SAP30: variants seen among roughly 807,000 people sequenced by gnomAD.
SAP30 encodes the protein histone deacetylase complex subunit SAP30.
A neutral mutation model predicts 19.6 loss-of-function variants in SAP30; 13 were observed. The ratio of observed to expected loss-of-function variants is 0.66; its 90% CI spans 0.43 to 1.05. The LOEUF (loss-of-function observed/expected upper bound fraction) is 1.05, where lower values mean the gene tolerates loss of function less well. SAP30 is among the 50% of genes least tolerant of loss of function. The pLI, the probability that SAP30 is intolerant of heterozygous loss-of-function variation, is 0.00. For synonymous variants in SAP30, 108 were observed against 122.7 expected (o/e 0.88, Z 0.79); for missense variants, 257 against 292.1 (o/e 0.88, Z 0.88).
Position 173,371,648 on chromosome 4 carries a change from A to G in SAP30, c.315+151A>G. 1 of 1,339,494 alleles carries G rather than the reference A, an allele frequency of 7.5e-7. No individual in the cohort carries two copies. The highest frequency in any genetic ancestry group is 1.3e-5 in the South Asian group (1 of 74,902). 83.0% of individuals were successfully genotyped at this position (1,339,494 alleles called of 1,614,324 possible). ...GTCTGTGTTTGGAAGCAAATAACAA[A>G]GTCGCTGCAACTCCTACCGCCACCC... On this transcript the variant is annotated intron_variant, in intron 1 of 3. Coordinates refer to ENST00000296504, the MANE Select transcript of SAP30 (RefSeq NM_003864.4). The surrounding 1 kb of genome is among the most constrained non-coding windows in gnomAD (Gnocchi z 6.4).
At chr4:173,376,241 G>C (rs571103214) in intron 3 of SAP30, among the ~76,000 whole-genome samples, 3 of 152,284 alleles carry the variant, frequency 2.0e-5, no homozygotes, top group African/African-American at 7.2e-5. Context: ...AGTAATTGTA[G>C]TATGCATGTT....
chr4:173,372,502 T>C (rs1738959277), intron 1 of SAP30, among the ~76,000 whole-genome samples: 1 of 152,240 alleles, frequency 6.6e-6, no homozygotes, highest in Non-Finnish European at 1.5e-5. Flanking sequence ...AAATGTGTTA[T>C]AGATAAATAC....
intron 2 of SAP30, 105 bp from the exon 3 acceptor site, chr4:173,373,834 A>G: frequency 2.7e-6 from 1 of 376,300 alleles, no homozygotes; most frequent in Non-Finnish European, 4.2e-6. Context: ...TGATTTTGGA[A>G]GTAAATTTTA....
At chr4:173,376,675 G>A (rs770104451) in intron 3 of SAP30, among the ~76,000 whole-genome samples, 31 of 152,042 alleles carry the variant, frequency 2.0e-4, no homozygotes, top group Non-Finnish European at 3.5e-4. Flanking sequence ...CTGAAGTCCA[G>A]TGGCATGATC....
At chr4:173,375,038 A>G (rs921588022) in intron 3 of SAP30, among the ~76,000 whole-genome samples, 3 of 148,956 alleles carry the variant, frequency 2.0e-5, no homozygotes, top group African/African-American at 7.3e-5. Flanking sequence ...ATATATATAT[A>G]TTTTAATCAT....
Position 173,371,815 on chromosome 4 carries a change from C to T in SAP30, c.315+318C>T, listed in dbSNP as rs1738942343. ...CGGGACACGAAACAAAGGGGACCGG[C>T]GCACTGAGGGCCCAGAGTAGTTTTC... On this transcript the variant is annotated intron_variant, in intron 1 of 3. Coordinates refer to ENST00000296504, the MANE Select transcript of SAP30 (RefSeq NM_003864.4). This position sits in a 1 kb window ranked among gnomAD's most constrained non-coding sequence, Gnocchi z 6.4. 6.6e-6 allele frequency among the ~76,000 whole-genome samples: 1 copy of T among 152,166 alleles called. No homozygotes were observed. The highest frequency in any genetic ancestry group is 1.5e-5 in the Non-Finnish European group (1 of 68,034).
In SAP30 at chr4:173,371,723, T is replaced by C. The variant is rs553035253; in HGVS notation, c.315+226T>C. Among the ~76,000 whole-genome samples the C allele has an allele frequency of 2.3e-3, 344 of 152,074 alleles. 2 individuals are homozygous for C. The highest frequency in any genetic ancestry group is 6.8e-3 in the Middle Eastern group (2 of 294). ...GTCGTTCCCCTCTTCTTTCCCACCC[T>C]GGCCCCCAACCTCCCGCTGCCTGCG... On this transcript the variant is annotated intron_variant, in intron 1 of 3. Coordinates refer to ENST00000296504, the MANE Select transcript of SAP30 (RefSeq NM_003864.4). This position sits in a 1 kb window ranked among gnomAD's most constrained non-coding sequence, Gnocchi z 6.4.
At chr4:173,375,574 G>T (rs905200508) in intron 3 of SAP30, among the ~76,000 whole-genome samples, 1 of 152,128 alleles carries the variant, frequency 6.6e-6, no homozygotes, top group Non-Finnish European at 1.5e-5. Context: ...TTATATTTAG[G>T]TATAAATTAA....
chr4:173,373,588 A>G, intron 2 of SAP30, 73 bp downstream of exon 2: 1 of 1,375,698 alleles, frequency 7.3e-7, no homozygotes, highest in Non-Finnish European at 9.7e-7. Context: ...AAAGATATGA[A>G]CAATCTTTTA....
In SAP30 at chr4:173,371,763, T is replaced by C. The variant is rs1738940929; in HGVS notation, c.315+266T>C. 6.6e-6 allele frequency among the ~76,000 whole-genome samples: 1 copy of C among 152,120 alleles called. No homozygotes were observed. The highest frequency in any genetic ancestry group is 6.5e-5 in the Admixed American group (1 of 15,288). ...CGCTGCCTGCGTCTCTCCCGCGCAG[T>C]CTTCCCTCTTCCTTCTCCTCTGCGA... On this transcript the variant is annotated intron_variant, in intron 1 of 3. Coordinates refer to ENST00000296504, the MANE Select transcript of SAP30 (RefSeq NM_003864.4). The surrounding 1 kb of genome is among the most constrained non-coding windows in gnomAD (Gnocchi z 6.4).
At chr4:173,374,855 C>T (rs1005397110) in intron 3 of SAP30, among the ~76,000 whole-genome samples, 2 of 151,804 alleles carry the variant, frequency 1.3e-5, no homozygotes, top group African/African-American at 4.8e-5. Context: ...GTTTTTTTCA[C>T]ATCTAGAAGA....
At position 173,371,566 on chromosome 4, in the gene SAP30, CG is replaced by C; in HGVS notation, c.315+72del. Reference sequence around the variant, plus strand: ...GGGCCCCAGGAGCCGGGCAAAGGCACGGGTTGTCGGCGGGGTCCCCCAGACA... The same window carrying C: ...GGGCCCCAGGAGCCGGGCAAAGGCACGGTTGTCGGCGGGGTCCCCCAGACA... On this transcript the variant is annotated intron_variant, in intron 1 of 3. Transcript: ENST00000296504. The surrounding 1 kb of genome is among the most constrained non-coding windows in gnomAD (Gnocchi z 6.4). 6.5e-7 allele frequency: 1 copy of C among 1,532,496 alleles called. No individual in the cohort carries two copies. The highest frequency in any genetic ancestry group is 8.8e-7 in the Non-Finnish European group (1 of 1,140,382). 94.9% of individuals were successfully genotyped at this position (1,532,496 alleles called of 1,614,324 possible).
In SAP30 at chr4:173,371,463, C is replaced by G; in HGVS notation, c.281C>G (p.Ser94Cys). 1.3e-6 allele frequency: 2 copies of G among 1,591,254 alleles called. No individual in the cohort carries two copies. Among genetic ancestry groups the G allele is most frequent in the Non-Finnish European group, 1.7e-6 (2 of 1,175,276 alleles). ...AGCAAGAGGATCCAGAAGAGCATCT[C>G]CCAGAAGAAGGTGAAGATCGAGCTG... ...SFSKRIQKSI[S>C]QKKVKIELDK... Residue 94 changes from serine to cysteine, a missense_variant, in exon 1 of 4, where the codon TCC becomes TGC. By Grantham distance (112) the Ser-to-Cys change is moderately radical. Coordinates refer to ENST00000296504, the MANE Select transcript of SAP30 (RefSeq NM_003864.4). The surrounding 1 kb of genome is among the most constrained non-coding windows in gnomAD (Gnocchi z 6.4).
In SAP30 at chr4:173,375,868, C is replaced by T. The variant is rs941683667; in HGVS notation, c.541-1337C>T. On this transcript the variant is annotated intron_variant, in intron 3 of 3. Transcript: ENST00000296504. ...AAGCATTACTGCCTGAGCTCCGCCT[C>T]CTGTCAGATCAGCCACAGAATTAGA... Among the ~76,000 whole-genome samples the T allele has an allele frequency of 3.9e-5, 6 of 152,214 alleles. No individual in the cohort carries two copies. The South Asian group carries it at 6.2e-4, about 16-fold the overall frequency.
At chr4:173,375,044 A>G (rs1739011822) in intron 3 of SAP30, among the ~76,000 whole-genome samples, 1 of 124,126 alleles carries the variant, frequency 8.1e-6, no homozygotes, top group Non-Finnish European at 1.8e-5. Context: ...ATATATTTTA[A>G]TCATATTTAA....
Position 173,371,440 on chromosome 4 carries a change from C to G in SAP30, c.258C>G (p.Ser86Arg). The change falls in exon 1 of 4, where the codon AGC becomes AGG. Residue 86 changes from serine to arginine, a missense_variant. Ser to Arg is a moderately radical substitution (Grantham distance 110). Coordinates refer to ENST00000296504, the MANE Select transcript of SAP30 (RefSeq NM_003864.4). This position sits in a 1 kb window ranked among gnomAD's most constrained non-coding sequence, Gnocchi z 6.4. ...GGGCGGCAGGCAACGCCAGCTTCAG[C>G]AAGAGGATCCAGAAGAGCATCTCCC... ...CGRAAGNASF[S>R]KRIQKSISQK... 1 of 1,592,826 alleles carries G rather than the reference C, an allele frequency of 6.3e-7. No individual in the cohort carries two copies.
At position 173,371,285 on chromosome 4, in the gene SAP30, G is replaced by T; in HGVS notation, c.103G>T (p.Gly35Trp). 8.1e-7 allele frequency: 1 copy of T among 1,233,332 alleles called. No homozygotes were observed. The allele number at this position is 1,233,332 out of a possible 1,614,324, so 76.4% of individuals were successfully genotyped here. ...GGCCGCCGCCGCCTCGGCGGGGAACGGGACCGGCGCGGGCACCGGGGCTGA... is the reference window on the plus strand; with the variant it reads ...GGCCGCCGCCGCCTCGGCGGGGAACTGGACCGGCGCGGGCACCGGGGCTGA... ...AAAAAASAGNGTGAGTGAEVP... is the reference protein window; with the variant it reads ...AAAAAASAGNWTGAGTGAEVP... The change falls in exon 1 of 4, where the codon GGG (glycine) becomes TGG (tryptophan). Residue 35 changes from glycine to tryptophan, a missense_variant. Physicochemically the swap from Gly to Trp is radical, Grantham distance 184. Transcript: ENST00000296504. This position sits in a 1 kb window ranked among gnomAD's most constrained non-coding sequence, Gnocchi z 6.4.
intron 1 of SAP30, among the ~76,000 whole-genome samples, chr4:173,372,447 A>G (rs1738958486): frequency 6.6e-6 from 1 of 152,218 alleles, no homozygotes; most frequent in African/African-American, 2.4e-5. Context: ...GTTATCCATG[A>G]GAAACTCTTC....
chr4:173,373,882 A>G (rs1738993884), intron 2 of SAP30, 57 bp from the exon 3 acceptor site: 1 of 818,770 alleles, frequency 1.2e-6, no homozygotes, highest in Non-Finnish European at 1.9e-6. Context: ...TATACATATC[A>G]ATGATAAATT....
Sources: allele counts gnomAD v4.1 joint callset (sites outside exome capture counted in the v4.1 genomes callset), GRCh38; gene constraint gnomAD v4.1.1; non-coding constraint Gnocchi (gnomAD v3.1); transcripts MANE v1.5; gene names NCBI Gene and HGNC (gene_info 2026-07-23, HGNC 2026-07-21).